The following DRC1 variants were observed in gnomAD, a reference collection of about 807,000 sequenced individuals.
DRC1 encodes the protein dynein regulatory complex protein 1.
DRC1 carries 74 observed loss-of-function variants against 98.7 expected under a neutral mutation model. The observed-to-expected ratio is 0.75, with a 90% confidence interval of 0.62 to 0.91. The LOEUF (loss-of-function observed/expected upper bound fraction) is 0.91. Ranked by LOEUF, DRC1 falls within the 40% of genes least tolerant of loss-of-function variation. The pLI, the probability that DRC1 is intolerant of heterozygous loss-of-function variation, is 0.00. For synonymous variants in DRC1, 336 were observed against 334.1 expected (o/e 1.01, Z -0.06); for missense variants, 875 against 886.0 (o/e 0.99, Z 0.16).
In DRC1 at chr2:26,444,942, C is replaced by T. The variant is rs377330459; in HGVS notation, c.1390C>T (p.Arg464Cys). The T allele has an allele frequency of 3.0e-5, 49 of 1,613,748 alleles. No homozygotes were observed. The highest frequency in any genetic ancestry group is 2.8e-4 in the African/African-American group (21 of 74,916). The change falls in exon 10 of 17, where the codon CGC (arginine) becomes TGC (cysteine). Residue 464 changes from arginine to cysteine, a missense_variant. Arg to Cys is a radical substitution (Grantham distance 180). Transcript: ENST00000288710. ...ATQIVEEMLMRSEEEEAEEAA... is the reference protein window; with the variant it reads ...ATQIVEEMLMCSEEEEAEEAA... ...ACAGATAGTAGAAGAAATGCTTATG[C>T]GCTCAGGTGACTAGAACACTGTCAT...
chr2:26,403,276 C>T (rs1014788245), intron 1 of DRC1, among the ~76,000 whole-genome samples: 2 of 152,098 alleles, frequency 1.3e-5, no homozygotes, highest in African/African-American at 4.8e-5. Flanking sequence ...CTTGGCGCAT[C>T]GTTATCACTT....
chr2:26,428,438 A>G (rs529960093), intron 4 of DRC1, among the ~76,000 whole-genome samples: 1 of 152,300 alleles, frequency 6.6e-6, no homozygotes, highest in African/African-American at 2.4e-5. Context: ...TACTGTACTG[A>G]ATACTGTAAG....
chr2:26,428,723 G>A (rs1198168037), intron 4 of DRC1, among the ~76,000 whole-genome samples: 1 of 151,984 alleles, frequency 6.6e-6, no homozygotes, highest in Non-Finnish European at 1.5e-5. Context: ...GCGTGAACCC[G>A]GGAGGTGGAG....
chr2:26,448,934 C>A (rs1663931369), intron 11 of DRC1, 131 bp downstream of exon 11: 1 of 910,008 alleles, frequency 1.1e-6, no homozygotes, highest in Non-Finnish European at 1.7e-6. Context: ...GGGTTGGGCC[C>A]TGAGGAGCAG....
At chr2:26,412,373 A>C (rs756389468) in intron 1 of DRC1, among the ~76,000 whole-genome samples, 7 of 152,116 alleles carry the variant, frequency 4.6e-5, no homozygotes, top group Non-Finnish European at 1.0e-4. Context: ...CGTCTCAAAA[A>C]ACGAAATGAA....
chr2:26,448,526 C>T (rs903373252), intron 10 of DRC1, 165 bp from the exon 11 acceptor site: 22 of 783,810 alleles, frequency 2.8e-5, no homozygotes, highest in South Asian at 4.4e-5. Flanking sequence ...CTTCCCGCCA[C>T]GTAATAGGCT....
chr2:26,435,614 T>C (rs940799967), intron 7 of DRC1, among the ~76,000 whole-genome samples: 1 of 152,150 alleles, frequency 6.6e-6, no homozygotes, highest in Non-Finnish European at 1.5e-5. Context: ...ACTGTTCCCC[T>C]CTTTGTGTCC....
chr2:26,441,079 A>G (rs938473504), intron 8 of DRC1, among the ~76,000 whole-genome samples: 2 of 152,198 alleles, frequency 1.3e-5, no homozygotes, highest in African/African-American at 2.4e-5. Flanking sequence ...ACTGAAAGGT[A>G]CCTATTGCTT....
At chr2:26,404,244 G>A (rs1214005941) in intron 1 of DRC1, among the ~76,000 whole-genome samples, 1 of 152,202 alleles carries the variant, frequency 6.6e-6, no homozygotes, top group African/African-American at 2.4e-5. Context: ...AGATGTCCCT[G>A]ATATATTCAG....
rs187381592 is a variant in DRC1, at chr2:26,430,865, C to T, written c.758C>T (p.Ala253Val). 2 of 1,613,398 alleles carry T rather than the reference C, an allele frequency of 1.2e-6. No individual in the cohort carries two copies. Among genetic ancestry groups the T allele is most frequent in the East Asian group, 2.2e-5 (1 of 44,856 alleles). ...GAGCAAGCCCTTCAGGCTCATAATG[C>T]CAAAGAGGTAAAGGGTGGAGCCTGT... is the stretch of plus-strand genomic sequence containing the variant. ...KWEQALQAHN[A>V]KELEYLNNRM... The change falls in exon 6 of 17, where the codon GCC (alanine) becomes GTC (valine). Residue 253 changes from alanine (A) to valine (V), a missense_variant. Ala to Val is a moderately conservative substitution (Grantham distance 64). Coordinates refer to ENST00000288710, the MANE Select transcript of DRC1 (RefSeq NM_145038.5).
At position 26,429,653 on chromosome 2, in the gene DRC1, A is replaced by G. The variant is rs1279205170; in HGVS notation, c.566A>G (p.Tyr189Cys). The G allele has an allele frequency of 6.2e-7, 1 of 1,614,146 alleles. No individual in the cohort carries two copies. The highest frequency in any genetic ancestry group is 1.7e-5 in the Admixed American group (1 of 60,026). ...GAGTTAAAAACAAAGGATGACCAGT[A>G]TGTGAAGGATTTGAAGAAACAGTCA... ...QQELKTKDDQ[Y>C]VKDLKKQSDD... The change falls in exon 5 of 17, where the codon TAT becomes TGT. Residue 189 changes from tyrosine (Y) to cysteine (C), a missense_variant. Coordinates refer to ENST00000288710, the MANE Select transcript of DRC1 (RefSeq NM_145038.5).
chr2:26,420,757 TTTC>T (rs147495643), intron 2 of DRC1, among the ~76,000 whole-genome samples: 62,442 of 145,998 alleles, frequency 0.43, 15,338 homozygotes, highest in Non-Finnish European at 0.58. Flanking sequence ...TTTCTTTCTT[TTTC>T]TTCTTCTTTT....
rs1170431258 is a variant in DRC1 at position 26,453,481 on chromosome 2, CT to C, written c.1852del (p.Trp618GlyfsTer19). The C allele has an allele frequency of 2.5e-6, 4 of 1,614,054 alleles. No homozygotes were observed. The highest frequency in any genetic ancestry group is 2.7e-5 in the African/African-American group (2 of 74,928). ...AAGAGGAGGAGACCCCACCCTCCCC[CT>C]GGGTCATCCACCCCAATGATGTCCT... Reference protein sequence around the residue: ...EEEEETPPSPWVIHPNDVLKI... With the variant: ...EEEEETPPSPXVIHPNDVLKI... On this transcript the variant is annotated frameshift_variant, in exon 14 of 17. Coordinates refer to ENST00000288710, the MANE Select transcript of DRC1 (RefSeq NM_145038.5). LOFTEE classifies it high-confidence loss of function.
intron 13 of DRC1, among the ~76,000 whole-genome samples, chr2:26,452,803 T>C (rs1038572980): frequency 1.3e-5 from 2 of 152,232 alleles, no homozygotes; most frequent in Non-Finnish European, 2.9e-5. Flanking sequence ...ATTTGTAGTA[T>C]AGTATCATTG....
intron 5 of DRC1, 40 bp downstream of exon 5, chr2:26,429,805 G>A: frequency 6.2e-7 from 1 of 1,607,720 alleles, no homozygotes; most frequent in Non-Finnish European, 8.5e-7. Flanking sequence ...GCTCTTGGAG[G>A]GCCCCTGGGA....
intron 2 of DRC1, 89 bp from the exon 3 acceptor site, chr2:26,421,198 GC>G (rs1296701402): frequency 1.2e-5 from 14 of 1,141,810 alleles, no homozygotes; most frequent in Admixed American, 4.4e-5. Flanking sequence ...ATGGATAGAA[GC>G]TGCGGACAGT....
intron 1 of DRC1, 54 bp downstream of exon 1, chr2:26,402,198 C>T: frequency 1.3e-6 from 2 of 1,499,004 alleles, no homozygotes; most frequent in Admixed American, 2.4e-5. Context: ...CGGAGAAGGG[C>T]TGGTTTCCTG....
chr2:26,402,163 G>A lies in DRC1; in HGVS notation c.155+19G>A, dbSNP rs1243576369. On this transcript the variant is annotated intron_variant, in intron 1 of 16. Transcript: ENST00000288710. ...GGAGGCGGTGAGCGCGGGGGCGGGC[G>A]GGGCGGGATCCGCGCCGCAGGAGCC... 2 of 1,569,864 alleles carry A rather than the reference G, an allele frequency of 1.3e-6. No individual in the cohort carries two copies. The highest frequency in any genetic ancestry group is 1.7e-6 in the Non-Finnish European group (2 of 1,162,010).
At chr2:26,438,871 C>T (rs1663640483) in intron 7 of DRC1, among the ~76,000 whole-genome samples, 1 of 152,168 alleles carries the variant, frequency 6.6e-6, no homozygotes, top group Non-Finnish European at 1.5e-5. Flanking sequence ...TCTGATTCCA[C>T]TTGATTGCCT....
Sources: gnomAD v4.1 joint callset for allele counts (sites outside exome capture counted in the v4.1 genomes callset) on GRCh38, gnomAD v4.1.1 for gene constraint, MANE v1.5 for transcripts, NCBI Gene and HGNC (gene_info 2026-07-23, HGNC 2026-07-21) for gene names.